Variants in ERBB4 observed in about 807,000 individuals in gnomAD.
ERBB4 encodes the protein erb-b2 receptor tyrosine kinase 4, also known as receptor tyrosine-protein kinase erbB-4.
ERBB4 carries 42 observed loss-of-function variants against 158.0 expected under a neutral mutation model. That is an observed-to-expected ratio of 0.27 (90% CI 0.21 to 0.34). The LOEUF (loss-of-function observed/expected upper bound fraction) is 0.34, where lower values mean the gene tolerates loss of function less well. Among genes scored for constraint, ERBB4 ranks in the 10% least tolerant of loss-of-function variants. The pLI, the probability that ERBB4 is intolerant of heterozygous loss-of-function variation, is 1.00. For missense variants in ERBB4, 1,333 were observed against 1,624.1 expected, an observed-to-expected ratio of 0.82 and a Z score of 3.08; for synonymous variants, 583 against 558.7, an observed-to-expected ratio of 1.04 and a Z score of -0.61.
At chr2:211,518,527 A>G (rs575993412) in intron 20 of ERBB4, among the ~76,000 whole-genome samples, 44 of 152,038 alleles carry the variant, frequency 2.9e-4, no homozygotes, top group Non-Finnish European at 4.4e-4. Flanking sequence ...GGTGGTGCAC[A>G]CCTGTAATCC....
intron 20 of ERBB4, among the ~76,000 whole-genome samples, chr2:211,487,587 A>G (rs1404779192): frequency 6.6e-6 from 1 of 152,088 alleles, no homozygotes; most frequent in Non-Finnish European, 1.5e-5. Flanking sequence ...AATTTCTGGG[A>G]AAACAGGTGC....
intron 3 of ERBB4, among the ~76,000 whole-genome samples, chr2:211,884,604 T>G (rs1020589853): frequency 2.0e-5 from 3 of 152,094 alleles, no homozygotes; most frequent in Non-Finnish European, 2.9e-5. Flanking sequence ...TAACCAAAAT[T>G]TTCTAAAGGT....
At chr2:212,194,320 T>A (rs1223872389) in intron 1 of ERBB4, among the ~76,000 whole-genome samples, 1 of 103,002 alleles carries the variant, frequency 9.7e-6, no homozygotes, top group Non-Finnish European at 2.1e-5. Context: ...ACACACACAC[T>A]TTGTTTCCTT....
At chr2:211,568,138 ATT>A (rs10707880) in intron 19 of ERBB4, among the ~76,000 whole-genome samples, 3 of 148,710 alleles carry the variant, frequency 2.0e-5, no homozygotes, top group African/African-American at 7.4e-5. Flanking sequence ...TTGCTTTACA[ATT>A]TTTTTTTTTC....
chr2:212,259,614 T>C, intron 1 of ERBB4, among the ~76,000 whole-genome samples: 1 of 152,212 alleles, frequency 6.6e-6, no homozygotes, highest in East Asian at 1.9e-4. Context: ...TAAGTTCCAA[T>C]TTCTAAAAAT....
At position 211,628,702 on chromosome 2, in the gene ERBB4, A is replaced by G. The variant is rs536917308; in HGVS notation, c.2079+1760T>C. Reference sequence around the variant, plus strand: ...ATATACCCAGTAATGGGATGGCTGGATCAAATGGTATTTCTAGTTCCAGAT... The same window carrying G: ...ATATACCCAGTAATGGGATGGCTGGGTCAAATGGTATTTCTAGTTCCAGAT... On this transcript the variant is annotated intron_variant, in intron 17 of 27. Transcript: ENST00000342788. 1.5e-4 allele frequency among the ~76,000 whole-genome samples: 23 copies of G among 152,296 alleles called. No individual in the cohort carries two copies. The South Asian group carries it at 3.9e-3, about 26-fold the overall frequency.
At chr2:212,023,941 A>T (rs1021769571) in intron 2 of ERBB4, among the ~76,000 whole-genome samples, 1 of 151,866 alleles carries the variant, frequency 6.6e-6, no homozygotes, top group African/African-American at 2.4e-5. Context: ...TTTTTAGGAA[A>T]ACAAATCAAT....
At position 211,523,929 on chromosome 2, in the gene ERBB4, A is replaced by T. The variant is rs1249721561; in HGVS notation, c.2487+37974T>A. ...CTGATTGGTGTGTTTACAATCCCTG[A>T]GCTAGAAACAAAGGTTCTCCAAGTC... is the stretch of plus-strand genomic sequence containing the variant. On this transcript the variant is annotated intron_variant, in intron 20 of 27. Coordinates refer to ENST00000342788, the MANE Select transcript of ERBB4 (RefSeq NM_005235.3). Among the ~76,000 whole-genome samples the T allele has an allele frequency of 3.3e-5, 5 of 152,138 alleles. No individual in the cohort carries two copies. The South Asian group carries it at 8.3e-4, about 25-fold the overall frequency.
In ERBB4 at chr2:211,513,357, CAAAAAAAAAAAA is replaced by C. The variant is rs61042785; in HGVS notation, c.2487+48534_2487+48545del. Among the ~76,000 whole-genome samples, 80 of 39,200 alleles carry C rather than the reference CAAAAAAAAAAAA, an allele frequency of 2.0e-3. 2 individuals carry two copies. The highest frequency in any genetic ancestry group is 5.1e-3 in the African/African-American group (77 of 15,138). The allele number at this position is 39,200 out of a possible 152,430, so 25.7% of individuals were successfully genotyped here. ...TGGGCGACAGAGCGAGACTCCGTCT[CAAAAAAAAAAAA>C]AAAAAAACAAAAAAAAAACACTGAT... On this transcript the variant is annotated intron_variant, in intron 20 of 27. Coordinates refer to ENST00000342788, the MANE Select transcript of ERBB4 (RefSeq NM_005235.3).
chr2:211,562,292 C>T (rs1029702589), intron 19 of ERBB4, among the ~76,000 whole-genome samples: 3 of 152,202 alleles, frequency 2.0e-5, no homozygotes, highest in Non-Finnish European at 4.4e-5. Flanking sequence ...AAAGTCTCTA[C>T]ATGCATTAAC....
At chr2:212,222,592 T>A (rs1198001759) in intron 1 of ERBB4, among the ~76,000 whole-genome samples, 3 of 150,886 alleles carry the variant, frequency 2.0e-5, no homozygotes, top group Non-Finnish European at 4.5e-5. Context: ...TTCGCCTGGT[T>A]TTCATGACAC....
chr2:212,337,110 T>C lies in ERBB4; in HGVS notation c.82+201339A>G, dbSNP rs945854539. 8.5e-5 allele frequency among the ~76,000 whole-genome samples: 13 copies of C among 152,230 alleles called. 1 individual carries two copies. The East Asian group carries it at 2.3e-3, about 27-fold the overall frequency. On this transcript the variant is annotated intron_variant, in intron 1 of 27. Coordinates refer to ENST00000342788, the MANE Select transcript of ERBB4 (RefSeq NM_005235.3). ...GTGAATACATTTATTATCTTTTTTT[T>C]CCAATAGATTTGCTTAGATTTCTAT...
chr2:211,385,745 G>T (rs979916911), intron 27 of ERBB4, among the ~76,000 whole-genome samples: 1 of 152,064 alleles, frequency 6.6e-6, no homozygotes, highest in African/African-American at 2.4e-5. Context: ...TTTCCTCAAT[G>T]CAATCTACTT....
intron 5 of ERBB4, among the ~76,000 whole-genome samples, chr2:211,727,122 A>G (rs2074293308): frequency 1.3e-5 from 2 of 152,174 alleles, no homozygotes; most frequent in South Asian, 4.1e-4. Flanking sequence ...GCAGCAGTCT[A>G]TGTAGTCTGA....
chr2:211,571,425 T>A (rs1257226548), intron 19 of ERBB4, among the ~76,000 whole-genome samples: 1 of 152,184 alleles, frequency 6.6e-6, no homozygotes, highest in African/African-American at 2.4e-5. Context: ...GCATTTTTTT[T>A]CTCTCGAGAT....
intron 5 of ERBB4, among the ~76,000 whole-genome samples, chr2:211,737,907 C>G (rs1019113026): frequency 3.3e-5 from 5 of 152,124 alleles, no homozygotes; most frequent in Middle Eastern, 3.5e-3. Context: ...CTATATTATA[C>G]TATTGTATGA....
At chr2:212,470,750 G>C (rs754409788) in intron 1 of ERBB4, among the ~76,000 whole-genome samples, 1 of 152,044 alleles carries the variant, frequency 6.6e-6, no homozygotes, top group African/African-American at 2.4e-5. Context: ...CCCTTTGGGG[G>C]AATATACACT....
At chr2:211,546,644 G>C (rs958831587) in intron 20 of ERBB4, among the ~76,000 whole-genome samples, 2 of 152,060 alleles carry the variant, frequency 1.3e-5, no homozygotes, top group African/African-American at 2.4e-5. Flanking sequence ...GTAAGTATTA[G>C]AGGATATAAT....
chr2:211,581,595 T>A (rs1159503596), intron 19 of ERBB4, among the ~76,000 whole-genome samples: 1 of 152,176 alleles, frequency 6.6e-6, no homozygotes, highest in Non-Finnish European at 1.5e-5. Flanking sequence ...GGGGAATAAT[T>A]TACCTCCAAT....
Sources: gnomAD v4.1 joint callset for allele counts (sites outside exome capture counted in the v4.1 genomes callset) on GRCh38, gnomAD v4.1.1 for gene constraint, MANE v1.5 for transcripts, NCBI Gene and HGNC (gene_info 2026-07-23, HGNC 2026-07-21) for gene names.